PDE4B: variants seen among roughly 807,000 people sequenced by gnomAD.
PDE4B encodes 3',5'-cyclic-AMP phosphodiesterase 4B.
In PDE4B, 20 loss-of-function variants were observed where a neutral mutation model predicts 82.2. That is an observed-to-expected ratio of 0.24 (90% confidence interval 0.17 to 0.35). The LOEUF is 0.35. PDE4B is among the 10% of genes least tolerant of loss of function. PDE4B has a pLI of 1.00. For missense variants in PDE4B, 655 were observed against 907.2 expected, an observed-to-expected ratio of 0.72 and a Z score of 3.57; for synonymous variants, 320 against 318.9, an observed-to-expected ratio of 1.00 and a Z score of -0.04.
intron 3 of PDE4B, among the ~76,000 whole-genome samples, chr1:66,165,863 T>G (rs1256221243): frequency 6.6e-6 from 1 of 152,224 alleles, no homozygotes; most frequent in East Asian, 1.9e-4. Flanking sequence ...TTCCAGTTGC[T>G]TTCTTTTTTT....
intron 3 of PDE4B, among the ~76,000 whole-genome samples, chr1:66,028,531 C>G (rs1570024147): frequency 6.6e-6 from 1 of 152,148 alleles, no homozygotes; most frequent in African/African-American, 2.4e-5. Flanking sequence ...GAATTTCTCC[C>G]CAGAAAATGG....
At chr1:66,081,428 A>G (rs748267100) in intron 3 of PDE4B, among the ~76,000 whole-genome samples, 1 of 152,152 alleles carries the variant, frequency 6.6e-6, no homozygotes, top group Non-Finnish European at 1.5e-5. Context: ...AATTTCAACA[A>G]AATTCACCTT....
intron 1 of PDE4B, among the ~76,000 whole-genome samples, chr1:65,825,714 C>CTATT (rs1646008130): frequency 7.4e-6 from 1 of 135,740 alleles, no homozygotes; most frequent in African/African-American, 2.8e-5. Context: ...ACCTATCTAT[C>CTATT]TATCTATCTA....
At chr1:65,801,091 G>A (rs540533151) in intron 1 of PDE4B, among the ~76,000 whole-genome samples, 8 of 152,220 alleles carry the variant, frequency 5.3e-5, no homozygotes, top group African/African-American at 1.4e-4. Flanking sequence ...TTCCCTTCTC[G>A]AACAAAGCTT....
chr1:65,964,188 G>T (rs1167142999), intron 3 of PDE4B, among the ~76,000 whole-genome samples: 1 of 152,104 alleles, frequency 6.6e-6, no homozygotes, highest in Non-Finnish European at 1.5e-5. Flanking sequence ...GCAGTTCTCG[G>T]GTGAAAGAGA....
At chr1:66,046,843 T>A (rs1654745351) in intron 3 of PDE4B, among the ~76,000 whole-genome samples, 1 of 151,780 alleles carries the variant, frequency 6.6e-6, no homozygotes, top group Non-Finnish European at 1.5e-5. Flanking sequence ...GAATAGAATA[T>A]CCTCCAATAT....
intron 3 of PDE4B, among the ~76,000 whole-genome samples, chr1:66,246,453 G>T (rs1488469762): frequency 6.6e-6 from 1 of 152,188 alleles, no homozygotes; most frequent in African/African-American, 2.4e-5. Flanking sequence ...CATATCTTTT[G>T]TTCACCATCT....
Position 66,139,746 on chromosome 1 carries a change from A to AAAC in PDE4B, c.282-107712_282-107711insCAA, listed in dbSNP as rs910995427. ...TCCCCCTCCCCCCTCAAAAAAAAAA[A>AAAC]AAAAAACAAAAAACAACAACCAATG... On this transcript the variant is annotated intron_variant, in intron 3 of 16. Coordinates refer to ENST00000341517, the MANE Select transcript of PDE4B (RefSeq NM_002600.4). Among the ~76,000 whole-genome samples, 63 of 149,046 alleles carry AAAC rather than the reference A, an allele frequency of 4.2e-4. No homozygotes were observed. The East Asian group carries it at 9.7e-3, about 23-fold the overall frequency.
chr1:65,911,721 A>G (rs1647094112), intron 1 of PDE4B, among the ~76,000 whole-genome samples: 1 of 152,102 alleles, frequency 6.6e-6, no homozygotes, highest in South Asian at 2.1e-4. Flanking sequence ...TGCCGAGGAA[A>G]TTCTTGTCCT....
chr1:65,867,600 G>A (rs1646525876), intron 1 of PDE4B, among the ~76,000 whole-genome samples: 1 of 152,164 alleles, frequency 6.6e-6, no homozygotes, highest in Non-Finnish European at 1.5e-5. Context: ...GTGCAGCCTT[G>A]TCTTTTTTAT....
At chr1:66,121,125 T>A (rs1256706825) in intron 3 of PDE4B, among the ~76,000 whole-genome samples, 1 of 152,066 alleles carries the variant, frequency 6.6e-6, no homozygotes, top group Admixed American at 6.6e-5. Flanking sequence ...GGGGTTACTA[T>A]CCTCTCTGAG....
intron 1 of PDE4B, among the ~76,000 whole-genome samples, chr1:65,834,993 C>A (rs1162319308): frequency 6.6e-6 from 1 of 152,178 alleles, no homozygotes; most frequent in Non-Finnish European, 1.5e-5. Context: ...TAGCTCTCAA[C>A]GCCTCTGGAA....
At chr1:66,008,480 G>A (rs2100730846) in intron 3 of PDE4B, among the ~76,000 whole-genome samples, 1 of 152,118 alleles carries the variant, frequency 6.6e-6, no homozygotes, top group South Asian at 2.1e-4. Flanking sequence ...CTTTGCTCTT[G>A]CACTTGTCCC....
At chr1:65,792,860 G>A (rs1645586963), upstream of PDE4B, among the ~76,000 whole-genome samples, 2 of 152,020 alleles carry the variant, frequency 1.3e-5, no homozygotes, top group Non-Finnish European at 2.9e-5. Context: ...CCGGGGGGCG[G>A]GGGTGGACAG....
At chr1:66,113,357 T>C (rs1452000053) in intron 3 of PDE4B, among the ~76,000 whole-genome samples, 2 of 152,228 alleles carry the variant, frequency 1.3e-5, no homozygotes, top group African/African-American at 4.8e-5. Flanking sequence ...AAATATCTAA[T>C]GATTTATAAA....
intron 3 of PDE4B, among the ~76,000 whole-genome samples, chr1:66,078,274 G>T (rs1455716077): frequency 3.3e-5 from 5 of 151,056 alleles, no homozygotes. Flanking sequence ...TCAGCTCACT[G>T]CAACCTCCAC....
chr1:66,244,884 ACTT>A (rs1653184898), intron 3 of PDE4B, among the ~76,000 whole-genome samples: 1 of 152,188 alleles, frequency 6.6e-6, no homozygotes, highest in East Asian at 1.9e-4. Flanking sequence ...GCATAAGTGA[ACTT>A]CTTGGATTCT....
At chr1:65,912,191 C>T (rs1051606988) in intron 1 of PDE4B, among the ~76,000 whole-genome samples, 6 of 151,914 alleles carry the variant, frequency 3.9e-5, no homozygotes, top group South Asian at 2.1e-4. Context: ...CTGCAAACAC[C>T]GAATTCTTTG....
At chr1:66,059,153 C>T (rs1245733147) in intron 3 of PDE4B, among the ~76,000 whole-genome samples, 1 of 152,304 alleles carries the variant, frequency 6.6e-6, no homozygotes, top group East Asian at 1.9e-4. Context: ...AGTCTCTTTG[C>T]TAAAACATAA....
Sources: gnomAD v4.1 joint callset for allele counts (sites outside exome capture counted in the v4.1 genomes callset) on GRCh38, gnomAD v4.1.1 for gene constraint, MANE v1.5 for transcripts, NCBI Gene and HGNC (gene_info 2026-07-23, HGNC 2026-07-21) for gene names.